ATF7IP: variants seen among roughly 807,000 people sequenced by gnomAD.
The protein encoded by ATF7IP is activating transcription factor 7 interacting protein, also known as activating transcription factor 7-interacting protein 1.
In ATF7IP, 23 loss-of-function variants were observed where a neutral mutation model predicts 106.4. The ratio of observed to expected loss-of-function variants is 0.22; its 90% CI spans 0.16 to 0.31. ATF7IP has a LOEUF of 0.31. Among genes scored for constraint, ATF7IP ranks in the 10% least tolerant of loss-of-function variants. ATF7IP has a pLI of 1.00. For missense variants in ATF7IP, 1,334 were observed against 1,524.3 expected (o/e 0.88, Z 2.08); for synonymous variants, 542 against 539.0 (o/e 1.01, Z -0.08).
intron 1 of ATF7IP, among the ~76,000 whole-genome samples, chr12:14,423,574 CTTTTTT>C: frequency 5.8e-5 from 2 of 34,426 alleles, no homozygotes; most frequent in Non-Finnish European, 1.1e-4. Flanking sequence ...TCTTCAGGTA[CTTTTTT>C]TTTTTTTTTT....
At chr12:14,481,641 T>C (rs1455673418) in intron 13 of ATF7IP, 1 of 444,348 alleles carries the variant, frequency 2.3e-6, no homozygotes, top group Non-Finnish European at 4.5e-6. Flanking sequence ...TGATGTATAC[T>C]AGTTGATTTG....
rs142340530 is a variant in ATF7IP at position 14,485,741 on chromosome 12, C to T, written c.3280+4556C>T. 1.4e-3 allele frequency among the ~76,000 whole-genome samples: 215 copies of T among 152,338 alleles called. 5 individuals are homozygous for T. In the East Asian group the frequency reaches 0.035, roughly 25 times the overall value. On this transcript the variant is annotated intron_variant, in intron 13 of 14. Coordinates refer to ENST00000261168, the MANE Select transcript of ATF7IP (RefSeq NM_018179.5). ...AGGATTTGCCAAGTCAATGGCTGCA[C>T]ACCAGGTACTAGGAGATGTGTTAAT...
In ATF7IP at chr12:14,478,381, A is replaced by T; in HGVS notation, c.3006A>T (p.Pro1002=). Residue 1002 remains proline, a synonymous_variant, in exon 12 of 15, where the codon CCA becomes CCT. Coordinates refer to ENST00000261168, the MANE Select transcript of ATF7IP (RefSeq NM_018179.5). ...GTTCTTCTCAGCCTGTGTCACGACC[A>T]TTGCAACCCATACAACCAGCACCGC... ...TMSSSQPVSR[P]LQPIQPAPPL... is the part of the protein sequence containing the mutation. The T allele has an allele frequency of 6.2e-7, 1 of 1,614,056 alleles. No individual in the cohort carries two copies. The highest frequency in any genetic ancestry group is 8.5e-7 in the Non-Finnish European group (1 of 1,179,954).
intron 6 of ATF7IP, among the ~76,000 whole-genome samples, chr12:14,448,659 T>C (rs1400910932): frequency 6.6e-6 from 1 of 152,164 alleles, no homozygotes; most frequent in African/African-American, 2.4e-5. Context: ...TTAATTCTTT[T>C]GCATATATAC....
At chr12:14,442,668 C>T (rs890519324) in intron 5 of ATF7IP, among the ~76,000 whole-genome samples, 9 of 152,108 alleles carry the variant, frequency 5.9e-5, no homozygotes, top group African/African-American at 2.2e-4. Context: ...GTATAATTAT[C>T]CAGGGACAAT....
At chr12:14,381,867 G>GTTTTTTTTTTTTTTTT (rs55929147) in intron 1 of ATF7IP, among the ~76,000 whole-genome samples, 1 of 148,370 alleles carries the variant, frequency 6.7e-6, no homozygotes, top group Non-Finnish European at 1.5e-5. Flanking sequence ...ATTAATTCTA[G>GTTTTTTTTTTTTTTTT]TTTTTTTTTT....
chr12:14,486,951 C>G lies in ATF7IP; in HGVS notation c.3280+5766C>G, dbSNP rs372108037. Among the ~76,000 whole-genome samples, 98 of 152,266 alleles carry G rather than the reference C, an allele frequency of 6.4e-4. 1 individual carries two copies. The East Asian group carries it at 0.012, about 18-fold the overall frequency. ...TCAAGGGTATATCTTCTGGACCCTC[C>G]CAGCTGGGATGACTAGCTCTAAAGT... On this transcript the variant is annotated intron_variant, in intron 13 of 14. Transcript: ENST00000261168.
chr12:14,414,042 A>G (rs1261084782), intron 1 of ATF7IP, among the ~76,000 whole-genome samples: 1 of 152,190 alleles, frequency 6.6e-6, no homozygotes, highest in African/African-American at 2.4e-5. Context: ...TGAACTCCAG[A>G]GAGTTAAATT....
intron 1 of ATF7IP, among the ~76,000 whole-genome samples, chr12:14,404,401 A>G (rs1233175872): frequency 1.3e-5 from 2 of 152,216 alleles, no homozygotes; most frequent in African/African-American, 2.4e-5. Context: ...TTTGATGAAT[A>G]TTGAATACAT....
At chr12:14,487,261 G>A (rs974954575) in intron 13 of ATF7IP, among the ~76,000 whole-genome samples, 1 of 149,512 alleles carries the variant, frequency 6.7e-6, no homozygotes, top group Admixed American at 6.6e-5. Context: ...CCCCATGCCT[G>A]TTCTCTAGGT....
chr12:14,469,157 G>A (rs1164712769), intron 10 of ATF7IP, among the ~76,000 whole-genome samples: 2 of 152,024 alleles, frequency 1.3e-5, no homozygotes, highest in African/African-American at 4.8e-5. Flanking sequence ...GATCACTTGA[G>A]GTCAGGAGTT....
intron 1 of ATF7IP, among the ~76,000 whole-genome samples, chr12:14,409,231 A>G (rs974020009): frequency 1.4e-4 from 21 of 152,240 alleles, no homozygotes; most frequent in Non-Finnish European, 2.8e-4. Flanking sequence ...GGATACCTTC[A>G]GAGCATTGGC....
At position 14,498,101 on chromosome 12, in the gene ATF7IP, T is replaced by C; in HGVS notation, c.*28T>C. 1.3e-6 allele frequency: 2 copies of C among 1,527,404 alleles called. No individual in the cohort carries two copies. Among genetic ancestry groups the C allele is most frequent in the Non-Finnish European group, 1.8e-6 (2 of 1,137,932 alleles). The allele number at this position is 1,527,404 out of a possible 1,614,324, so 94.6% of individuals were successfully genotyped here. ...CTTGGAGCCTTTATATTTTCCTCTTTTAAAATTTCCACCTTTTGGTCTTGT... is the reference window on the plus strand; with the variant it reads ...CTTGGAGCCTTTATATTTTCCTCTTCTAAAATTTCCACCTTTTGGTCTTGT... On this transcript the variant is annotated 3_prime_UTR_variant, in exon 15 of 15. Transcript: ENST00000261168.
chr12:14,478,230 G>A, intron 11 of ATF7IP, 87 bp from the exon 12 acceptor site: 1 of 1,337,432 alleles, frequency 7.5e-7, no homozygotes, highest in African/African-American at 1.5e-5. Flanking sequence ...CAAGTGGCAA[G>A]CAAAAGTAAA....
intron 1 of ATF7IP, among the ~76,000 whole-genome samples, chr12:14,416,337 A>G (rs1209969421): frequency 1.3e-5 from 2 of 152,184 alleles, no homozygotes; most frequent in South Asian, 4.1e-4. Flanking sequence ...CAGTAGAAAA[A>G]TGAATGAAAT....
chr12:14,468,538 G>A (rs1311906865), intron 10 of ATF7IP, among the ~76,000 whole-genome samples: 1 of 147,968 alleles, frequency 6.8e-6, no homozygotes, highest in Non-Finnish European at 1.5e-5. Context: ...GACTTCATCA[G>A]AAAGCAAAGC....
At chr12:14,421,715 G>T (rs1191453985) in intron 1 of ATF7IP, among the ~76,000 whole-genome samples, 1 of 152,164 alleles carries the variant, frequency 6.6e-6, no homozygotes, top group East Asian at 1.9e-4. Flanking sequence ...GGGATGTGGG[G>T]TGTGGGATGC....
At chr12:14,409,861 G>C (rs1453880817) in intron 1 of ATF7IP, among the ~76,000 whole-genome samples, 1 of 151,958 alleles carries the variant, frequency 6.6e-6, no homozygotes, top group African/African-American at 2.4e-5. Context: ...AGGGGTTTAG[G>C]TTAAAAATAA....
chr12:14,486,471 AG>A (rs1288532908), intron 13 of ATF7IP, among the ~76,000 whole-genome samples: 1 of 152,134 alleles, frequency 6.6e-6, no homozygotes, highest in Non-Finnish European at 1.5e-5. Flanking sequence ...CCTTCATTCA[AG>A]GGGTTCTTGG....
Sources: allele counts gnomAD v4.1 joint callset (sites outside exome capture counted in the v4.1 genomes callset), GRCh38; gene constraint gnomAD v4.1.1; transcripts MANE v1.5; gene names NCBI Gene and HGNC (gene_info 2026-07-23, HGNC 2026-07-21).